The following TUB variants were observed in gnomAD, a reference collection of about 807,000 sequenced individuals.
TUB encodes the protein TUB bipartite transcription factor, also known as tubby protein homolog.
A neutral mutation model predicts 59.7 loss-of-function variants in TUB; 33 were observed. The observed-to-expected ratio is 0.55, with a 90% confidence interval of 0.42 to 0.74. TUB has a LOEUF of 0.74. Among genes scored for constraint, TUB ranks in the 30% least tolerant of loss-of-function variants. The pLI is 0.00. For synonymous variants in TUB, 293 were observed against 256.4 expected (o/e 1.14, Z -1.36); for missense variants, 659 against 672.0 (o/e 0.98, Z 0.21).
intron 2 of TUB, chr11:8,075,845 G>A (rs1184189909): frequency 6.6e-6 from 1 of 152,264 alleles, no homozygotes; most frequent in Non-Finnish European, 1.5e-5. Flanking sequence ...AAGGTGGAGG[G>A]GCAGGTAGGT....
chr11:8,019,473 C>A, intron 1 of TUB: 2 of 1,093,700 alleles, frequency 1.8e-6, no homozygotes, highest in Non-Finnish European at 2.3e-6. Context: ...CCAGGGTGGG[C>A]TTGGGCACCC....
intron 1 of TUB, among the ~76,000 whole-genome samples, chr11:8,027,354 G>T (rs574203506): frequency 6.6e-6 from 1 of 151,982 alleles, no homozygotes; most frequent in African/African-American, 2.4e-5. Flanking sequence ...TTCGTATAAC[G>T]AAATCATACA....
At chr11:8,088,414 C>T (rs954294214) in intron 1 of TUB, among the ~76,000 whole-genome samples, 4 of 152,186 alleles carry the variant, frequency 2.6e-5, no homozygotes, top group African/African-American at 9.7e-5. Context: ...GGTGATGTGA[C>T]CTCCTGTTTC....
At chr11:8,095,206 T>C (rs1437349127) in intron 4 of TUB, among the ~76,000 whole-genome samples, 1 of 152,218 alleles carries the variant, frequency 6.6e-6, no homozygotes, top group Non-Finnish European at 1.5e-5. Context: ...TTTTCCACTG[T>C]GCAGTTGGTT....
At chr11:8,098,110 G>A (rs1450314689) in intron 8 of TUB, among the ~76,000 whole-genome samples, 1 of 152,048 alleles carries the variant, frequency 6.6e-6, no homozygotes, top group Non-Finnish European at 1.5e-5. Flanking sequence ...GATAACGCAG[G>A]CCACCATGGA....
At chr11:8,085,210 G>A (rs535626866) in intron 1 of TUB, among the ~76,000 whole-genome samples, 16 of 152,324 alleles carry the variant, frequency 1.1e-4, no homozygotes, top group African/African-American at 2.4e-4. Flanking sequence ...GCTGTGGCTC[G>A]TGGTCGCATT....
Position 8,053,796 on chromosome 11 carries a change from C to T in TUB, c.203+14104C>T, listed in dbSNP as rs369147492. Reference sequence around the variant, plus strand: ...GATTACAGGCGTGAGCCACCGTGCCCGGCCAATAATTGTCGTTTTTAAAAG... The same window carrying T: ...GATTACAGGCGTGAGCCACCGTGCCTGGCCAATAATTGTCGTTTTTAAAAG... On this transcript the variant is annotated intron_variant, in intron 2 of 12. Coordinates refer to the TUB transcript ENST00000305253. 6.0e-5 allele frequency among the ~76,000 whole-genome samples: 9 copies of T among 149,184 alleles called. No individual in the cohort carries two copies. In the East Asian group the frequency reaches 1.0e-3, roughly 17 times the overall value.
intron 2 of TUB, among the ~76,000 whole-genome samples, chr11:8,047,828 G>A (rs1397998488): frequency 6.6e-6 from 1 of 152,188 alleles, no homozygotes; most frequent in Non-Finnish European, 1.5e-5. Context: ...CAAAGAGCCT[G>A]ATGCATCACA....
At chr11:8,048,051 A>G (rs2133747733) in intron 2 of TUB, among the ~76,000 whole-genome samples, 1 of 152,230 alleles carries the variant, frequency 6.6e-6, no homozygotes, top group South Asian at 2.1e-4. Flanking sequence ...CTCAGCCTAC[A>G]GTGCATGTAC....
intron 2 of TUB, among the ~76,000 whole-genome samples, chr11:8,062,607 C>T (rs913006820): frequency 3.9e-5 from 6 of 152,102 alleles, no homozygotes; most frequent in African/African-American, 1.4e-4. Flanking sequence ...GAACCCAAGA[C>T]CCCAGGAAGG....
chr11:8,038,497 A>T, upstream of TUB: 1 of 566,770 alleles, frequency 1.8e-6, no homozygotes. Flanking sequence ...TGGTTCCTCC[A>T]GATGGGGCCT....
rs1417988125 is a variant in TUB at position 8,105,964 on chromosome 11, G to C, written c.*4345G>C. ...AGCCAGTTTTCACAATGCCTAGACT[G>C]TGTATGTCTATTTGCACAAGATTGT... On this transcript the variant is annotated 3_prime_UTR_variant, in exon 12 of 12. Transcript: ENST00000299506. 2.0e-5 allele frequency: 3 copies of C among 152,064 alleles called. No homozygotes were observed. The highest frequency in any genetic ancestry group is 3.2e-3 in the Middle Eastern group (1 of 316). The allele number at this position is 152,064 out of a possible 1,614,324, so 9.4% of individuals were successfully genotyped here. A position where few individuals can be genotyped will look rare whatever the true frequency, so the allele number is the denominator to read the frequency against.
chr11:8,058,884 A>G (rs1033025977), intron 2 of TUB, among the ~76,000 whole-genome samples: 1 of 152,222 alleles, frequency 6.6e-6, no homozygotes, highest in African/African-American at 2.4e-5. Context: ...AATATTGGAT[A>G]TTTCATTAGT....
At chr11:8,054,063 C>G (rs376517217) in intron 2 of TUB, among the ~76,000 whole-genome samples, 1 of 151,212 alleles carries the variant, frequency 6.6e-6, no homozygotes, top group Non-Finnish European at 1.5e-5. Context: ...TGCAGTGAGC[C>G]GAGATCTCAC....
chr11:8,101,368 G>A (rs1944294145), intron 11 of TUB, 118 bp from the exon 12 acceptor site: 1 of 1,310,830 alleles, frequency 7.6e-7, no homozygotes, highest in Non-Finnish European at 1.1e-6. Flanking sequence ...TGATTCCCCT[G>A]GCATCTCTGC....
rs144427790 is a variant in TUB, at chr11:8,087,982, C to T, written c.39-1628C>T. Among the ~76,000 whole-genome samples, 380 of 152,332 alleles carry T rather than the reference C, an allele frequency of 2.5e-3. 1 individual carries two copies. Among genetic ancestry groups the T allele is most frequent in the Non-Finnish European group, 3.9e-3 (267 of 68,030 alleles). The stretch of plus-strand genomic sequence containing the variant: ...CAATGCCCTCAGGGAGCCCCAAATG[C>T]AGCTGTGCCCTCTTAGGCAGATGGG... On this transcript the variant is annotated intron_variant, in intron 1 of 11. Transcript: ENST00000299506.
chr11:8,094,987 A>G (rs1179469037), intron 4 of TUB, among the ~76,000 whole-genome samples: 18 of 152,204 alleles, frequency 1.2e-4, no homozygotes. Context: ...AGGATGGGAG[A>G]TGCTCCATTT....
intron 2 of TUB, among the ~76,000 whole-genome samples, chr11:8,075,408 A>G (rs1943433717): frequency 6.6e-6 from 1 of 152,212 alleles, no homozygotes; most frequent in Middle Eastern, 3.2e-3. Flanking sequence ...CAGATTATAT[A>G]TAACCTTTTA....
At chr11:8,079,289 G>A (rs866405111), upstream of TUB, among the ~76,000 whole-genome samples, 31 of 152,284 alleles carry the variant, frequency 2.0e-4, no homozygotes, top group Middle Eastern at 0.014. Flanking sequence ...GCGGCCTCCA[G>A]GGGTCAAAGC....
Sources: allele counts gnomAD v4.1 joint callset (sites outside exome capture counted in the v4.1 genomes callset), GRCh38; gene constraint gnomAD v4.1.1; transcripts MANE v1.5; gene names NCBI Gene and HGNC (gene_info 2026-07-23, HGNC 2026-07-21).